Variants in SUSD4 observed in about 807,000 individuals in gnomAD.
SUSD4 encodes the protein sushi domain-containing protein 4.
SUSD4 carries 41 observed loss-of-function variants against 50.5 expected under a neutral mutation model. The observed-to-expected ratio is 0.81, with a 90% CI of 0.63 to 1.05. The LOEUF is 1.05. Among genes scored for constraint, SUSD4 ranks in the 50% least tolerant of loss-of-function variants. The probability of loss-of-function intolerance (pLI) is 0.00; values close to 1 mark genes in which losing one functional copy is unlikely to be tolerated. For missense variants in SUSD4, 580 were observed against 634.7 expected (o/e 0.91, Z 0.93); for synonymous variants, 257 against 257.3 (o/e 1.00, Z 0.01).
At chr1:223,255,047 G>C (rs1395695160) in intron 5 of SUSD4, among the ~76,000 whole-genome samples, 1 of 152,236 alleles carries the variant, frequency 6.6e-6, no homozygotes, top group Non-Finnish European at 1.5e-5. Flanking sequence ...ACCAGACACA[G>C]GGATTTTCAC....
chr1:223,349,171 T>C (rs957533379), intron 2 of SUSD4, among the ~76,000 whole-genome samples: 3 of 151,934 alleles, frequency 2.0e-5, no homozygotes, highest in African/African-American at 7.3e-5. Flanking sequence ...ACTTTAAATA[T>C]CAGAGAAAGA....
chr1:223,241,592 A>C (rs943228200), intron 5 of SUSD4, among the ~76,000 whole-genome samples: 23 of 152,150 alleles, frequency 1.5e-4, no homozygotes, highest in Admixed American at 3.9e-4. Context: ...CAGTCTGTTC[A>C]GTTTTTTACT....
intron 5 of SUSD4, among the ~76,000 whole-genome samples, chr1:223,238,925 AG>A (rs1660393457): frequency 6.6e-6 from 1 of 152,010 alleles, no homozygotes; most frequent in Admixed American, 6.5e-5. Flanking sequence ...TTTCCAATAA[AG>A]GTGTGTTAAT....
At chr1:223,314,564 T>C (rs1173710696) in intron 2 of SUSD4, among the ~76,000 whole-genome samples, 1 of 152,166 alleles carries the variant, frequency 6.6e-6, no homozygotes, top group Non-Finnish European at 1.5e-5. Flanking sequence ...TCTTGGATTG[T>C]AGCTCCCATA....
At chr1:223,289,252 T>C in intron 3 of SUSD4, 1 of 985,442 alleles carries the variant, frequency 1.0e-6, no homozygotes. Flanking sequence ...CTTGGGGTCA[T>C]GCAGGCTCCA....
intron 2 of SUSD4, among the ~76,000 whole-genome samples, chr1:223,353,924 G>A (rs949341717): frequency 2.6e-4 from 39 of 151,924 alleles, no homozygotes; most frequent in African/African-American, 9.0e-4. Flanking sequence ...AAAGCTACTC[G>A]GGAGGCTGAG....
At chr1:223,329,705 A>C (rs976050874) in intron 2 of SUSD4, among the ~76,000 whole-genome samples, 1 of 152,214 alleles carries the variant, frequency 6.6e-6, no homozygotes, top group Non-Finnish European at 1.5e-5. Context: ...ATATGGACAG[A>C]TGGATGGATG....
intron 5 of SUSD4, among the ~76,000 whole-genome samples, chr1:223,230,070 T>C (rs1235219467): frequency 6.6e-6 from 1 of 152,210 alleles, no homozygotes; most frequent in East Asian, 1.9e-4. Context: ...TGGAAGCTTA[T>C]TCTACCCTAG....
At chr1:223,243,534 G>A (rs997002846) in intron 5 of SUSD4, among the ~76,000 whole-genome samples, 1 of 152,212 alleles carries the variant, frequency 6.6e-6, no homozygotes, top group African/African-American at 2.4e-5. Context: ...GGGCCCCCAG[G>A]GCCAGGCAGC....
intron 3 of SUSD4, among the ~76,000 whole-genome samples, chr1:223,285,998 A>C (rs1227292362): frequency 6.6e-6 from 1 of 152,256 alleles, no homozygotes; most frequent in Non-Finnish European, 1.5e-5. Flanking sequence ...TAAAAGTTAA[A>C]AACAAAAAGT....
At chr1:223,260,880 G>GT (rs1041117240) in intron 5 of SUSD4, among the ~76,000 whole-genome samples, 79 of 152,254 alleles carry the variant, frequency 5.2e-4, no homozygotes, top group African/African-American at 1.5e-3. Flanking sequence ...ATGAAGCCAG[G>GT]TATCAACTAT....
chr1:223,328,308 G>A (rs1229645797), intron 2 of SUSD4, among the ~76,000 whole-genome samples: 6 of 152,088 alleles, frequency 3.9e-5, no homozygotes, highest in South Asian at 2.1e-4. Context: ...TAAGGAAGCC[G>A]GGGCTCTGAG....
intron 2 of SUSD4, among the ~76,000 whole-genome samples, chr1:223,316,004 A>C (rs61838208): frequency 0.18 from 27,382 of 152,186 alleles, 2,998 homozygotes; most frequent in Non-Finnish European, 0.25. Flanking sequence ...ACTCTAGAAG[A>C]AAAGGGGACA....
chr1:223,228,233 C>T lies in SUSD4; in HGVS notation c.917-495G>A, dbSNP rs371835872. ...ACCACCTCTAGCCATCAACTGCCTG[C>T]CAGGTCAGGGGCAGCAAGAGCAGAC... On this transcript the variant is annotated intron_variant, in intron 6 of 8. Coordinates refer to ENST00000366878, the MANE Select transcript of SUSD4 (RefSeq NM_017982.4). Among the ~76,000 whole-genome samples, 10 of 152,328 alleles carry T rather than the reference C, an allele frequency of 6.6e-5. 1 individual carries two copies. In the South Asian group the frequency reaches 2.1e-3, roughly 32 times the overall value.
chr1:223,339,708 G>T (rs1667649102), intron 2 of SUSD4, among the ~76,000 whole-genome samples: 1 of 152,176 alleles, frequency 6.6e-6, no homozygotes, highest in African/African-American at 2.4e-5. Flanking sequence ...CAAGGCCGAG[G>T]AATCGTCTTT....
At chr1:223,331,256 T>G (rs1667154546) in intron 2 of SUSD4, among the ~76,000 whole-genome samples, 1 of 152,212 alleles carries the variant, frequency 6.6e-6, no homozygotes, top group South Asian at 2.1e-4. Flanking sequence ...TGACTTAGAT[T>G]CAATTTGGGG....
chr1:223,223,570 T>C lies in SUSD4; in HGVS notation c.1123A>G (p.Met375Val), dbSNP rs1456655326. Residue 375 changes from methionine (M) to valine (V), a missense_variant, in exon 8 of 9, where the codon ATG (methionine) becomes GTG (valine). Transcript: ENST00000366878. ...DFVVVDGVPV[M>V]LPSYDEAVSG... ...ACAGCTTCGTCATAGGACGGGAGCA[T>C]GACGGGCACGCCGTCTACCACCACA... 2 of 1,613,398 alleles carry C rather than the reference T, an allele frequency of 1.2e-6. No homozygotes were observed. Among genetic ancestry groups the C allele is most frequent in the South Asian group, 1.1e-5 (1 of 90,994 alleles).
chr1:223,274,648 A>C (rs1244841562), intron 3 of SUSD4, among the ~76,000 whole-genome samples: 1 of 152,252 alleles, frequency 6.6e-6, no homozygotes, highest in African/African-American at 2.4e-5. Context: ...TGTGGTTGAC[A>C]AAGGCAATTA....
chr1:223,293,737 G>A (rs1558223412), intron 2 of SUSD4, among the ~76,000 whole-genome samples: 1 of 152,154 alleles, frequency 6.6e-6, no homozygotes, highest in African/African-American at 2.4e-5. Flanking sequence ...CAGACAGCTG[G>A]GATGAATGCG....
Sources: allele counts gnomAD v4.1 joint callset (sites outside exome capture counted in the v4.1 genomes callset), GRCh38; gene constraint gnomAD v4.1.1; transcripts MANE v1.5; gene names NCBI Gene and HGNC (gene_info 2026-07-23, HGNC 2026-07-21).